The following ADRA1B variants were observed in gnomAD, a reference collection of about 807,000 sequenced individuals.
ADRA1B encodes the protein alpha-1B adrenergic receptor.
In ADRA1B, 17 loss-of-function variants were observed where a neutral mutation model predicts 17.9. That is an observed-to-expected ratio of 0.95 (90% CI 0.65 to 1.42). The LOEUF (loss-of-function observed/expected upper bound fraction) is 1.42. ADRA1B is among the 40% of genes most tolerant of loss of function. ADRA1B has a pLI of 0.00. For synonymous variants in ADRA1B, 366 were observed against 327.6 expected (o/e 1.12, Z -1.27); for missense variants, 681 against 722.1 (o/e 0.94, Z 0.65).
chr5:159,938,416 A>T (rs899502416), intron 1 of ADRA1B, among the ~76,000 whole-genome samples: 1 of 152,262 alleles, frequency 6.6e-6, no homozygotes, highest in Admixed American at 6.5e-5. Flanking sequence ...ATGGAAGACC[A>T]CTGGGGAGAG....
downstream of ADRA1B, among the ~76,000 whole-genome samples, chr5:159,977,608 A>G (rs901687778): frequency 1.1e-4 from 17 of 152,316 alleles, no homozygotes; most frequent in Admixed American, 9.1e-4. Flanking sequence ...GTTAAGAGCC[A>G]AGAATTTGAC....
chr5:159,971,998 C>T lies in ADRA1B; in HGVS notation c.1069C>T (p.Arg357Cys), dbSNP rs200619403. Reference protein sequence around the residue: ...IYPCSSKEFKRAFVRILGCQC... With the variant: ...IYPCSSKEFKCAFVRILGCQC... Reference sequence around the variant, plus strand: ...CCCATGCTCCAGCAAGGAGTTCAAGCGCGCTTTCGTGCGCATCCTCGGGTG... The same window carrying T: ...CCCATGCTCCAGCAAGGAGTTCAAGTGCGCTTTCGTGCGCATCCTCGGGTG... The change falls in exon 2 of 2, where the codon CGC becomes TGC. Residue 357 changes from arginine (R) to cysteine (C), a missense_variant. By Grantham distance (180) the Arg-to-Cys change is radical. Around this residue, in one of 3 missense-constraint regions of ADRA1B, gnomAD observed 424 missense variants for 480.2 expected, o/e 0.88. Transcript: ENST00000306675. 122 of 1,475,014 alleles carry T rather than the reference C, an allele frequency of 8.3e-5. No individual in the cohort carries two copies. Among genetic ancestry groups the T allele is most frequent in the Non-Finnish European group, 1.1e-4 (118 of 1,106,172 alleles). 91.4% of individuals were successfully genotyped at this position (1,475,014 alleles called of 1,614,324 possible). A position where few individuals can be genotyped will look rare whatever the true frequency, so the allele number is the denominator to read the frequency against.
chr5:159,940,198 G>A (rs1226216302), intron 1 of ADRA1B, among the ~76,000 whole-genome samples: 1 of 152,162 alleles, frequency 6.6e-6, no homozygotes, highest in African/African-American at 2.4e-5. Context: ...CCAAACTTTA[G>A]TCTAGCTCCT....
intron 1 of ADRA1B, among the ~76,000 whole-genome samples, chr5:159,881,299 T>TTCTCTCTCTCTCTCTCTCTCTCTC (rs11471058): frequency 7.6e-6 from 1 of 131,982 alleles, no homozygotes; most frequent in African/African-American, 2.9e-5. Context: ...TATCAGAAAG[T>TTCTCTCTCTCTCTCTCTCTCTCTC]TCTCTCTCTC....
At chr5:159,928,298 A>T (rs1018464712) in intron 1 of ADRA1B, among the ~76,000 whole-genome samples, 1 of 152,156 alleles carries the variant, frequency 6.6e-6, no homozygotes, top group Non-Finnish European at 1.5e-5. Context: ...TGACAGCACC[A>T]TGAGTCAGCT....
chr5:159,944,642 T>A (rs1343305367), intron 1 of ADRA1B, among the ~76,000 whole-genome samples: 1 of 152,078 alleles, frequency 6.6e-6, no homozygotes, highest in Non-Finnish European at 1.5e-5. Flanking sequence ...ATTTACCATG[T>A]GCCAGGCACT....
At chr5:159,985,071 A>G in the ADRA1B span, among the ~76,000 whole-genome samples, 2 of 151,990 alleles carry the variant, frequency 1.3e-5, no homozygotes, top group Admixed American at 1.3e-4. Context: ...CACTTCAGCC[A>G]CATGGGTCCC....
chr5:159,903,858 C>T (rs1207300605), intron 1 of ADRA1B, among the ~76,000 whole-genome samples: 7 of 152,136 alleles, frequency 4.6e-5, no homozygotes, highest in Admixed American at 1.3e-4. Context: ...CCGCCTGGGC[C>T]CGACAGGTGG....
At position 159,891,220 on chromosome 5, in the gene ADRA1B, C is replaced by T. The variant is rs535382693; in HGVS notation, c.-255-24899C>T. Reference sequence around the variant, plus strand: ...TACTAATTTCAATAACCCCTCAGAGCTATGCACTGCTTTATAGTACTTTTG... The same window carrying T: ...TACTAATTTCAATAACCCCTCAGAGTTATGCACTGCTTTATAGTACTTTTG... On this transcript the variant is annotated intron_variant, in intron 1 of 2. Coordinates refer to the ADRA1B transcript ENST00000641205. Among the ~76,000 whole-genome samples, 2 of 152,326 alleles carry T rather than the reference C, an allele frequency of 1.3e-5. 1 individual carries two copies. Among genetic ancestry groups the T allele is most frequent in the South Asian group, 4.2e-4 (2 of 4,818 alleles).
At chr5:159,949,661 G>A (rs1474359078) in intron 1 of ADRA1B, among the ~76,000 whole-genome samples, 1 of 152,138 alleles carries the variant, frequency 6.6e-6, no homozygotes, top group Non-Finnish European at 1.5e-5. Context: ...AAATGCCCAG[G>A]CACTATAACA....
chr5:159,985,379 G>A, the ADRA1B span, among the ~76,000 whole-genome samples: 20 of 152,082 alleles, frequency 1.3e-4, no homozygotes, highest in Admixed American at 1.3e-3. Flanking sequence ...AATTACTTTG[G>A]TTACTTCTGG....
Position 159,887,836 on chromosome 5 carries a change from C to T in ADRA1B, c.-256+22630C>T, listed in dbSNP as rs573076215. Among the ~76,000 whole-genome samples the T allele has an allele frequency of 8.5e-5, 13 of 152,076 alleles. No individual in the cohort carries two copies. In the South Asian group the frequency reaches 2.7e-3, roughly 32 times the overall value. Reference sequence around the variant, plus strand: ...TCTAATGCAGAGTTATAACTATGCTCCATGGAGCCCTAGCATTTCGGTGGA... The same window carrying T: ...TCTAATGCAGAGTTATAACTATGCTTCATGGAGCCCTAGCATTTCGGTGGA... On this transcript the variant is annotated intron_variant, in intron 1 of 2. Coordinates refer to the ADRA1B transcript ENST00000641205.
At position 159,880,583 on chromosome 5, in the gene ADRA1B, G is replaced by A. The variant is rs528278894; in HGVS notation, c.-256+15377G>A. Among the ~76,000 whole-genome samples, 37 of 152,310 alleles carry A rather than the reference G, an allele frequency of 2.4e-4. 1 individual carries two copies. The highest frequency in any genetic ancestry group is 1.7e-3 in the South Asian group (8 of 4,824). On this transcript the variant is annotated intron_variant, in intron 1 of 2. Transcript: ENST00000641205. The stretch of plus-strand genomic sequence containing the variant: ...AAAGCTCATGAAAACTGGTCATTCA[G>A]CCCCGTGGTAGGAGAAACTCAACTC...
intron 1 of ADRA1B, among the ~76,000 whole-genome samples, chr5:159,949,823 G>A (rs1437149556): frequency 6.6e-6 from 1 of 152,224 alleles, no homozygotes; most frequent in Non-Finnish European, 1.5e-5. Flanking sequence ...AAGAATAAGT[G>A]TTGGATTCTC....
rs1754314220 is a variant in ADRA1B at position 159,916,632 on chromosome 5, C to G, written c.-274C>G. The G allele has an allele frequency of 9.7e-6, 3 of 309,770 alleles. No individual in the cohort carries two copies. The South Asian group carries it at 3.5e-4, about 36-fold the overall frequency. The allele number at this position is 309,770 out of a possible 1,614,324, so 19.2% of individuals were successfully genotyped here. A position where few individuals can be genotyped will look rare whatever the true frequency, so the allele number is the denominator to read the frequency against. On this transcript the variant is annotated 5_prime_UTR_variant, in exon 1 of 2. Coordinates refer to ENST00000306675, the MANE Select transcript of ADRA1B (RefSeq NM_000679.4). The stretch of plus-strand genomic sequence containing the variant: ...TCCTCCCCGCCGCTCCCCCGCGAGC[C>G]CGGCCAGGCGCGCCTGACGTGGACC...
intron 1 of ADRA1B, among the ~76,000 whole-genome samples, chr5:159,923,913 C>G (rs964505294): frequency 2.0e-5 from 3 of 152,274 alleles, no homozygotes; most frequent in African/African-American, 7.2e-5. Flanking sequence ...GCAGAGCAAG[C>G]ATCGTCATCC....
chr5:159,971,820 G>C (rs1259828682), intron 1 of ADRA1B, 59 bp from the exon 2 acceptor site: 2 of 1,308,856 alleles, frequency 1.5e-6, no homozygotes, highest in African/African-American at 3.0e-5. Flanking sequence ...TGGGGCGAGA[G>C]CTTGACTACT....
chr5:159,865,461 C>T (rs963120102), intron 1 of ADRA1B, among the ~76,000 whole-genome samples: 6 of 152,142 alleles, frequency 3.9e-5, no homozygotes, highest in Admixed American at 1.3e-4. Flanking sequence ...GCGTAACTCG[C>T]ATGGTTTGTA....
At chr5:159,963,306 A>ATATATATATATATATC (rs1561610064) in intron 1 of ADRA1B, among the ~76,000 whole-genome samples, 3 of 150,080 alleles carry the variant, frequency 2.0e-5, no homozygotes, top group African/African-American at 7.4e-5. Context: ...ATATATATAT[A>ATATATATATATATATC]TATCCACACA....
Sources: gnomAD v4.1 joint callset for allele counts (sites outside exome capture counted in the v4.1 genomes callset) on GRCh38, gnomAD v4.1.1 for gene constraint, gnomAD v4.1.1 regional missense constraint, MANE v1.5 for transcripts, NCBI Gene and HGNC (gene_info 2026-07-23, HGNC 2026-07-21) for gene names.